Variants in KCNT2 observed in about 807,000 individuals in gnomAD.
The protein encoded by KCNT2 is potassium sodium-activated channel subfamily T member 2.
KCNT2 carries 67 observed loss-of-function variants against 153.8 expected under a neutral mutation model. That is an observed-to-expected ratio of 0.44 (90% CI 0.36 to 0.53). The LOEUF is 0.53. Ranked by LOEUF, KCNT2 falls within the 20% of genes least tolerant of loss-of-function variation. KCNT2 has a pLI of 0.00. For synonymous variants in KCNT2, 500 were observed against 458.8 expected, an observed-to-expected ratio of 1.09 and a Z score of -1.15; for missense variants, 975 against 1,354.8, an observed-to-expected ratio of 0.72 and a Z score of 4.40.
chr1:196,577,396 T>C (rs184957090), intron 1 of KCNT2, among the ~76,000 whole-genome samples: 32 of 152,266 alleles, frequency 2.1e-4, no homozygotes, highest in Admixed American at 1.7e-3. Flanking sequence ...GAAAAACAGA[T>C]GAAGCCTGAC....
At chr1:196,497,586 A>G (rs1351371604) in intron 1 of KCNT2, among the ~76,000 whole-genome samples, 1 of 152,128 alleles carries the variant, frequency 6.6e-6, no homozygotes, top group Non-Finnish European at 1.5e-5. Context: ...TCCTGGAACC[A>G]ATCCCCATGA....
At chr1:196,526,292 T>C (rs2148835522) in intron 1 of KCNT2, among the ~76,000 whole-genome samples, 1 of 151,080 alleles carries the variant, frequency 6.6e-6, no homozygotes, top group African/African-American at 2.4e-5. Context: ...GCTTATATTT[T>C]ATAAATTATA....
At chr1:196,420,225 G>A (rs1220442027) in intron 12 of KCNT2, among the ~76,000 whole-genome samples, 3 of 151,652 alleles carry the variant, frequency 2.0e-5, no homozygotes, top group Admixed American at 1.3e-4. Flanking sequence ...TTTGTTTTGT[G>A]ATCTAGTCTA....
intron 12 of KCNT2, among the ~76,000 whole-genome samples, chr1:196,401,262 G>C (rs1671392542): frequency 6.6e-6 from 1 of 151,742 alleles, no homozygotes; most frequent in South Asian, 2.1e-4. Flanking sequence ...GAGAATCCAA[G>C]CCTCCGCAAC....
At chr1:196,321,539 C>T (rs1558142728) in intron 19 of KCNT2, among the ~76,000 whole-genome samples, 1 of 151,928 alleles carries the variant, frequency 6.6e-6, no homozygotes, top group Non-Finnish European at 1.5e-5. Flanking sequence ...AATTCTACCA[C>T]AAATATGTAC....
Position 196,351,938 on chromosome 1 carries a change from C to T in KCNT2, c.1404-9710G>A, listed in dbSNP as rs147447525. Among the ~76,000 whole-genome samples the T allele has an allele frequency of 4.3e-4, 66 of 152,154 alleles. No individual in the cohort carries two copies. The Middle Eastern group carries it at 0.014, about 32-fold the overall frequency. ...AAGGGTTGTTGAATTTTGTCAATGGCCTTTTTTGTATCTATTGAGATAATC... is the reference window on the plus strand; with the variant it reads ...AAGGGTTGTTGAATTTTGTCAATGGTCTTTTTTGTATCTATTGAGATAATC... On this transcript the variant is annotated intron_variant, in intron 14 of 27. Transcript: ENST00000294725.
At chr1:196,585,601 A>T (rs1376518350) in intron 1 of KCNT2, among the ~76,000 whole-genome samples, 1 of 74,750 alleles carries the variant, frequency 1.3e-5, no homozygotes, top group Non-Finnish European at 3.0e-5. Context: ...CTAACTAATT[A>T]AAAAAAAACA....
At chr1:196,599,817 T>C (rs938500795) in intron 1 of KCNT2, among the ~76,000 whole-genome samples, 1 of 152,150 alleles carries the variant, frequency 6.6e-6, no homozygotes, top group African/African-American at 2.4e-5. Context: ...CTGTCCTTAG[T>C]CTCCCTCTTT....
Position 196,550,820 on chromosome 1 carries a change from G to C in KCNT2, c.95+57395C>G, listed in dbSNP as rs192570002. Among the ~76,000 whole-genome samples, 888 of 151,850 alleles carry C rather than the reference G, an allele frequency of 5.8e-3. 6 individuals are homozygous for C. The highest frequency in any genetic ancestry group is 0.017 in the Middle Eastern group (5 of 294). Reference sequence around the variant, plus strand: ...TGGGGGCAGTAGAAGGGTAAAAAATGATACCAGGAAGCTCTGAGAGAGATT... The same window carrying C: ...TGGGGGCAGTAGAAGGGTAAAAAATCATACCAGGAAGCTCTGAGAGAGATT... On this transcript the variant is annotated intron_variant, in intron 1 of 27. Coordinates refer to ENST00000294725, the MANE Select transcript of KCNT2 (RefSeq NM_198503.5).
At chr1:196,417,016 C>T (rs1301478550) in intron 12 of KCNT2, among the ~76,000 whole-genome samples, 4 of 152,026 alleles carry the variant, frequency 2.6e-5, no homozygotes, top group South Asian at 2.1e-4. Flanking sequence ...GCAATGTTTG[C>T]CTTCCTGTGT....
intron 27 of KCNT2, among the ~76,000 whole-genome samples, chr1:196,229,738 C>T (rs1380786925): frequency 6.6e-6 from 1 of 152,056 alleles, no homozygotes; most frequent in African/African-American, 2.4e-5. Flanking sequence ...AAGGAAACAG[C>T]CTTATTGCTG....
intron 1 of KCNT2, among the ~76,000 whole-genome samples, chr1:196,534,132 A>G (rs965950071): frequency 3.3e-5 from 5 of 152,170 alleles, no homozygotes; most frequent in South Asian, 4.1e-4. Flanking sequence ...TTTTTTACCT[A>G]AGATATATTA....
chr1:196,242,011 A>G (rs1487834434), intron 26 of KCNT2, among the ~76,000 whole-genome samples: 3 of 152,132 alleles, frequency 2.0e-5, no homozygotes, highest in African/African-American at 7.2e-5. Flanking sequence ...TCAATGGTGC[A>G]AAGTCCTGTT....
chr1:196,279,087 T>C (rs1046833842), intron 25 of KCNT2, among the ~76,000 whole-genome samples: 3 of 152,192 alleles, frequency 2.0e-5, no homozygotes, highest in Non-Finnish European at 4.4e-5. Context: ...ACTTTGAGAA[T>C]TAAATTTCTG....
chr1:196,541,217 A>G (rs1041888229), intron 1 of KCNT2, among the ~76,000 whole-genome samples: 2 of 152,036 alleles, frequency 1.3e-5, no homozygotes, highest in African/African-American at 4.8e-5. Flanking sequence ...AATAGAATAT[A>G]CGAAACCAAA....
At chr1:196,380,046 T>C (rs373896665) in intron 13 of KCNT2, among the ~76,000 whole-genome samples, 1 of 152,226 alleles carries the variant, frequency 6.6e-6, no homozygotes, top group Non-Finnish European at 1.5e-5. Flanking sequence ...CAATATAGCA[T>C]AATTCCATTG....
intron 14 of KCNT2, among the ~76,000 whole-genome samples, chr1:196,364,757 A>G (rs1667899349): frequency 6.6e-6 from 1 of 152,102 alleles, no homozygotes; most frequent in South Asian, 2.1e-4. Flanking sequence ...GATAAACTTA[A>G]CAGCTAATGT....
chr1:196,517,288 A>C (rs1652711564), intron 1 of KCNT2, among the ~76,000 whole-genome samples: 1 of 152,210 alleles, frequency 6.6e-6, no homozygotes, highest in African/African-American at 2.4e-5. Flanking sequence ...GAGGGAGCCC[A>C]GCAGTTAAAG....
intron 1 of KCNT2, among the ~76,000 whole-genome samples, chr1:196,575,148 G>A (rs1661205929): frequency 6.6e-6 from 1 of 152,092 alleles, no homozygotes; most frequent in African/African-American, 2.4e-5. Flanking sequence ...AATCATACAA[G>A]GTGAAATTTT....
Sources: gnomAD v4.1 joint callset for allele counts (sites outside exome capture counted in the v4.1 genomes callset) on GRCh38, gnomAD v4.1.1 for gene constraint, MANE v1.5 for transcripts, NCBI Gene and HGNC (gene_info 2026-07-23, HGNC 2026-07-21) for gene names.